Variants in UQCC1 observed in about 807,000 individuals in gnomAD.
UQCC1 encodes the protein bFGF-repressed Zic-binding protein.
A neutral mutation model predicts 48.0 loss-of-function variants in UQCC1; 38 were observed. That is an observed-to-expected ratio of 0.79 (90% CI 0.61 to 1.04). The LOEUF is 1.04. Ranked by LOEUF, UQCC1 falls within the 50% of genes least tolerant of loss-of-function variation. The pLI, the probability that UQCC1 is intolerant of heterozygous loss-of-function variation, is 0.00. For synonymous variants in UQCC1, 111 were observed against 129.2 expected (o/e 0.86, Z 0.95); for missense variants, 368 against 381.8 (o/e 0.96, Z 0.30).
chr20:35,333,975 G>T (rs956892416), intron 7 of UQCC1, among the ~76,000 whole-genome samples: 5 of 152,112 alleles, frequency 3.3e-5, no homozygotes, highest in African/African-American at 9.7e-5. Context: ...CTGGGAAGGG[G>T]GCAGTTTAGA....
At chr20:35,316,824 C>A (rs940328238) in intron 7 of UQCC1, among the ~76,000 whole-genome samples, 1 of 151,658 alleles carries the variant, frequency 6.6e-6, no homozygotes, top group Non-Finnish European at 1.5e-5. Flanking sequence ...ATTTTTAGTA[C>A]AGACGGGGTT....
In UQCC1 at chr20:35,303,678, G is replaced by T; in HGVS notation, c.*257C>A. ...TGGAGGGGGTTGGGGAGTGTGTGCT[G>T]GGGGACTCTCACTCGGGGCTTCCCC... On this transcript the variant is annotated 3_prime_UTR_variant, in exon 10 of 10. Coordinates refer to ENST00000374385, the MANE Select transcript of UQCC1 (RefSeq NM_018244.5). 2 of 516,646 alleles carry T rather than the reference G, an allele frequency of 3.9e-6. No homozygotes were observed. The highest frequency in any genetic ancestry group is 4.5e-5 in the South Asian group (2 of 43,960). 32.0% of individuals were successfully genotyped at this position (516,646 alleles called of 1,614,324 possible). A position where few individuals can be genotyped will look rare whatever the true frequency, so the allele number is the denominator to read the frequency against.
rs1000971279 is a variant in UQCC1, at chr20:35,314,818, C to G, written c.574-53G>C. 6.1e-6 allele frequency: 9 copies of G among 1,466,502 alleles called. No individual in the cohort carries two copies. The Admixed American group carries it at 6.9e-5, about 11-fold the overall frequency. The allele number at this position is 1,466,502 out of a possible 1,614,324, so 90.8% of individuals were successfully genotyped here. ...GTTTGAAAGAAAGAAAGAAAAAAAC[C>G]CAAAAAGTATGATCTTTGACTCTTA... On this transcript the variant is annotated intron_variant, in intron 7 of 9. Transcript: ENST00000374385.
intron 5 of UQCC1, among the ~76,000 whole-genome samples, chr20:35,371,719 A>AAC (rs1358012849): frequency 1.3e-5 from 2 of 151,348 alleles, no homozygotes; most frequent in African/African-American, 4.8e-5. Flanking sequence ...AAAAAAAAAA[A>AAC]AACAGGCTGG....
chr20:35,341,050 G>A (rs2061371447), intron 7 of UQCC1, among the ~76,000 whole-genome samples: 1 of 151,834 alleles, frequency 6.6e-6, no homozygotes, highest in South Asian at 2.1e-4. Context: ...CTAACATGGT[G>A]AAACCCTGTC....
intron 7 of UQCC1, among the ~76,000 whole-genome samples, chr20:35,329,000 A>T (rs527689428): frequency 6.6e-6 from 1 of 152,348 alleles, no homozygotes; most frequent in South Asian, 2.1e-4. Context: ...GGCGAGAGAC[A>T]AAAATGTTCC....
Position 35,303,590 on chromosome 20 carries a change from CTT to C in UQCC1, c.*343_*344del, listed in dbSNP as rs372741134. On this transcript the variant is annotated 3_prime_UTR_variant, in exon 10 of 10. Transcript: ENST00000374385. Reference sequence around the variant, plus strand: ...CCACAGCAGGCCCTGGGGGGTTTCCCTTTTGAACCTACACCATCCCTTCCTTG... The same window carrying C: ...CCACAGCAGGCCCTGGGGGGTTTCCCTTGAACCTACACCATCCCTTCCTTG... 6.2e-4 allele frequency: 155 copies of C among 248,460 alleles called. No homozygotes were observed. Among genetic ancestry groups the C allele is most frequent in the African/African-American group, 3.1e-3 (142 of 46,418 alleles). 15.4% of individuals were successfully genotyped at this position (248,460 alleles called of 1,614,324 possible). A position where few individuals can be genotyped will look rare whatever the true frequency, so the allele number is the denominator to read the frequency against.
At chr20:35,382,292 G>A (rs2061880731) in intron 3 of UQCC1, among the ~76,000 whole-genome samples, 1 of 151,376 alleles carries the variant, frequency 6.6e-6, no homozygotes, top group South Asian at 2.1e-4. Flanking sequence ...ATTTTCTGTG[G>A]AGGTGGGGTC....
intron 7 of UQCC1, among the ~76,000 whole-genome samples, chr20:35,342,594 C>T (rs763782557): frequency 6.6e-6 from 1 of 152,302 alleles, no homozygotes; most frequent in South Asian, 2.1e-4. Flanking sequence ...GTTTTTACAG[C>T]TGTGTCAAGA....
At chr20:35,357,263 G>A (rs1434530537) in intron 6 of UQCC1, among the ~76,000 whole-genome samples, 1 of 152,186 alleles carries the variant, frequency 6.6e-6, no homozygotes, top group Non-Finnish European at 1.5e-5. Context: ...GCTCACGCCT[G>A]TAATCCCAGC....
intron 5 of UQCC1, among the ~76,000 whole-genome samples, chr20:35,367,108 A>C (rs932335916): frequency 8.7e-5 from 13 of 149,632 alleles, no homozygotes; most frequent in African/African-American, 3.2e-4. Context: ...AAAAAAAAAA[A>C]ACAAACAAAA....
intron 8 of UQCC1, chr20:35,307,136 T>C (rs1366891403): frequency 1.7e-5 from 6 of 355,492 alleles, no homozygotes; most frequent in Non-Finnish European, 1.6e-5. Context: ...CTGCTGTCCA[T>C]AGCAGCAATG....
In UQCC1 at chr20:35,383,670, C is replaced by T. The variant is rs150316489; in HGVS notation, c.225+368G>A. Among the ~76,000 whole-genome samples, 601 of 152,090 alleles carry T rather than the reference C, an allele frequency of 4.0e-3. 4 individuals carry two copies. Among genetic ancestry groups the T allele is most frequent in the Middle Eastern group, 6.8e-3 (2 of 294 alleles). ...TTTGAGACCAACCTAGGTAACAAAA[C>T]GAGACCCTGGTCTCTACAAAAATTT... On this transcript the variant is annotated intron_variant, in intron 3 of 9. Transcript: ENST00000374385.
At chr20:35,308,683 T>C (rs2060954175) in intron 8 of UQCC1, among the ~76,000 whole-genome samples, 1 of 152,252 alleles carries the variant, frequency 6.6e-6, no homozygotes, top group African/African-American at 2.4e-5. Flanking sequence ...GTTTGCCAAG[T>C]AGAATAGATA....
chr20:35,367,096 A>G (rs1411751604), intron 5 of UQCC1, among the ~76,000 whole-genome samples: 6 of 150,484 alleles, frequency 4.0e-5, no homozygotes, highest in African/African-American at 1.5e-4. Context: ...TCTGTCTAAA[A>G]AAAAAAAAAA....
intron 1 of UQCC1, among the ~76,000 whole-genome samples, chr20:35,405,589 A>C (rs2062239482): frequency 6.6e-6 from 1 of 152,214 alleles, no homozygotes; most frequent in African/African-American, 2.4e-5. Flanking sequence ...AATATGTCTA[A>C]AGAACTATAA....
chr20:35,410,990 G>C (rs938141041), intron 1 of UQCC1, among the ~76,000 whole-genome samples: 1 of 151,960 alleles, frequency 6.6e-6, no homozygotes, highest in Non-Finnish European at 1.5e-5. Flanking sequence ...TGTCGTCCTT[G>C]TAAGACATAT....
chr20:35,325,859 A>G (rs1245516226), intron 7 of UQCC1, among the ~76,000 whole-genome samples: 3 of 152,126 alleles, frequency 2.0e-5, no homozygotes, highest in African/African-American at 7.2e-5. Flanking sequence ...GTAAAAAAAA[A>G]AACAAAAAAA....
intron 7 of UQCC1, among the ~76,000 whole-genome samples, chr20:35,343,605 A>G (rs1438400275): frequency 6.6e-6 from 1 of 152,254 alleles, no homozygotes; most frequent in East Asian, 1.9e-4. Flanking sequence ...AAGCAGTAAT[A>G]GTAATTCCCC....
Sources: allele counts gnomAD v4.1 joint callset (sites outside exome capture counted in the v4.1 genomes callset), GRCh38; gene constraint gnomAD v4.1.1; transcripts MANE v1.5; gene names NCBI Gene and HGNC (gene_info 2026-07-23, HGNC 2026-07-21).